FGF14: variants seen among roughly 807,000 people sequenced by gnomAD.
FGF14 encodes the protein fibroblast growth factor 14.
Under a neutral mutation model 25.5 loss-of-function variants are expected in FGF14, and 5 were observed. That is an observed-to-expected ratio of 0.20 (90% confidence interval 0.10 to 0.41). The LOEUF is 0.41. FGF14 is among the 10% of genes least tolerant of loss of function. FGF14 has a pLI of 1.00. For missense variants in FGF14, 222 were observed against 320.1 expected, an observed-to-expected ratio of 0.69 and a Z score of 2.34; for synonymous variants, 138 against 118.3, an observed-to-expected ratio of 1.17 and a Z score of -1.08.
At chr13:102,250,041 C>A (rs2052092525) in intron 1 of FGF14, among the ~76,000 whole-genome samples, 1 of 152,104 alleles carries the variant, frequency 6.6e-6, no homozygotes, top group Non-Finnish European at 1.5e-5. Flanking sequence ...AAGAAGACCA[C>A]CCCCAGGGTA....
At chr13:102,018,960 A>T (rs542639748) in intron 1 of FGF14, among the ~76,000 whole-genome samples, 1 of 152,156 alleles carries the variant, frequency 6.6e-6, no homozygotes, top group African/African-American at 2.4e-5. Context: ...TGCATGCTCA[A>T]TCAAGGCTGA....
In FGF14 at chr13:101,722,378, A is replaced by C. The variant is rs2035053125; in HGVS notation, c.*453T>G. 4.2e-6 allele frequency: 1 copy of C among 235,344 alleles called. No homozygotes were observed. Among genetic ancestry groups the C allele is most frequent in the Non-Finnish European group, 8.4e-6 (1 of 118,684 alleles). 14.6% of individuals were successfully genotyped at this position (235,344 alleles called of 1,614,324 possible). On this transcript the variant is annotated 3_prime_UTR_variant, in exon 5 of 5. Coordinates refer to ENST00000376143, the MANE Select transcript of FGF14 (RefSeq NM_004115.4). ...AGCCCTGTAAAAATGGGAAGAAGAGAAATCCGTAATAGCACAGGTTTACAG... is the reference window on the plus strand; with the variant it reads ...AGCCCTGTAAAAATGGGAAGAAGAGCAATCCGTAATAGCACAGGTTTACAG...
At chr13:101,953,034 CTAAA>C (rs10649605) in intron 1 of FGF14, among the ~76,000 whole-genome samples, 3 of 151,082 alleles carry the variant, frequency 2.0e-5, no homozygotes, top group South Asian at 2.1e-4. Flanking sequence ...GACTCCATCT[CTAAA>C]TAAATAAATA....
intron 1 of FGF14, among the ~76,000 whole-genome samples, chr13:101,908,452 C>T (rs1361096965): frequency 6.6e-6 from 1 of 152,170 alleles, no homozygotes; most frequent in Non-Finnish European, 1.5e-5. Flanking sequence ...GTACCTACCA[C>T]ATGGGTTTGT....
intron 1 of FGF14, among the ~76,000 whole-genome samples, chr13:101,976,340 A>C (rs1264283186): frequency 3.3e-5 from 5 of 152,232 alleles, no homozygotes; most frequent in Non-Finnish European, 5.9e-5. Context: ...CAACTTAATA[A>C]GCATTGATGC....
intron 1 of FGF14, among the ~76,000 whole-genome samples, chr13:102,044,245 C>A (rs182877727): frequency 2.0e-5 from 3 of 152,280 alleles, no homozygotes; most frequent in East Asian, 1.9e-4. Flanking sequence ...TCCTGACTTA[C>A]ACAGGTACTC....
intron 3 of FGF14, among the ~76,000 whole-genome samples, chr13:101,792,249 C>A (rs895671000): frequency 6.6e-6 from 1 of 152,034 alleles, no homozygotes; most frequent in Non-Finnish European, 1.5e-5. Flanking sequence ...CAGATGAAAT[C>A]CTTAGATTTG....
intron 1 of FGF14, among the ~76,000 whole-genome samples, chr13:102,371,671 G>A (rs1343791166): frequency 6.6e-6 from 1 of 151,872 alleles, no homozygotes; most frequent in Non-Finnish European, 1.5e-5. Context: ...ACAATTCTTG[G>A]CACATAGAAG....
At chr13:101,879,191 C>G (rs980812804) in intron 1 of FGF14, among the ~76,000 whole-genome samples, 1 of 152,162 alleles carries the variant, frequency 6.6e-6, no homozygotes, top group Non-Finnish European at 1.5e-5. Context: ...CTTTGCCTGT[C>G]TTAATTCCCC....
chr13:101,943,592 T>C lies in FGF14; in HGVS notation c.209-68296A>G, dbSNP rs75371206. Among the ~76,000 whole-genome samples, 11 of 152,236 alleles carry C rather than the reference T, an allele frequency of 7.2e-5. No individual in the cohort carries two copies. The East Asian group carries it at 2.1e-3, about 29-fold the overall frequency. On this transcript the variant is annotated intron_variant, in intron 1 of 4. Coordinates refer to the FGF14 transcript ENST00000376131. The stretch of plus-strand genomic sequence containing the variant: ...AAAGCTGCTGTAGAATAAGAGAAGC[T>C]GGGTTTGAACCCCGACTCTGCCACT...
intron 1 of FGF14, among the ~76,000 whole-genome samples, chr13:102,226,692 C>G (rs1234441806): frequency 6.6e-6 from 1 of 152,076 alleles, no homozygotes; most frequent in Non-Finnish European, 1.5e-5. Context: ...TACCTGATCT[C>G]TTTAGGGAAC....
At chr13:101,796,426 C>A (rs2040526461) in intron 3 of FGF14, among the ~76,000 whole-genome samples, 1 of 151,946 alleles carries the variant, frequency 6.6e-6, no homozygotes, top group Non-Finnish European at 1.5e-5. Context: ...ACTGGGGGGT[C>A]CTTATGCCCC....
intron 1 of FGF14, among the ~76,000 whole-genome samples, chr13:102,015,469 CA>C (rs1205876383): frequency 6.6e-6 from 1 of 152,036 alleles, no homozygotes; most frequent in African/African-American, 2.4e-5. Context: ...TGTATACTAT[CA>C]ATTATACATT....
At chr13:102,318,110 C>A (rs1049822703) in intron 1 of FGF14, among the ~76,000 whole-genome samples, 1 of 152,158 alleles carries the variant, frequency 6.6e-6, no homozygotes, top group African/African-American at 2.4e-5. Flanking sequence ...GAGTTGGAGG[C>A]CCCAGCCACC....
At chr13:102,326,695 GA>G (rs749959751) in intron 1 of FGF14, among the ~76,000 whole-genome samples, 50 of 37,826 alleles carry the variant, frequency 1.3e-3, no homozygotes, top group Non-Finnish European at 1.9e-3. Flanking sequence ...GAAGGGAAGG[GA>G]AGGAAGGAAG....
chr13:101,969,496 C>G (rs184381340), intron 1 of FGF14, among the ~76,000 whole-genome samples: 1 of 152,126 alleles, frequency 6.6e-6, no homozygotes, highest in Non-Finnish European at 1.5e-5. Context: ...TTTCCTGATG[C>G]CTTCTAAACA....
rs2035412609 is a variant in FGF14 at position 101,726,171 on chromosome 13, T to C, written c.607+441A>G. Among the ~76,000 whole-genome samples, 3 of 152,086 alleles carry C rather than the reference T, an allele frequency of 2.0e-5. No homozygotes were observed. The South Asian group carries it at 6.2e-4, about 31-fold the overall frequency. On this transcript the variant is annotated intron_variant, in intron 4 of 4. Coordinates refer to ENST00000376143, the MANE Select transcript of FGF14 (RefSeq NM_004115.4). ...TAATAATCCACAAGTAGGTAATTAC[T>C]TTCACCTAGATAATATCAAAATGGA... is the stretch of plus-strand genomic sequence containing the variant.
intron 1 of FGF14, among the ~76,000 whole-genome samples, chr13:102,103,125 A>G (rs979063810): frequency 3.3e-5 from 5 of 152,214 alleles, no homozygotes; most frequent in Admixed American, 2.6e-4. Context: ...GAAAAACAAG[A>G]GGTGAGGACA....
chr13:102,345,103 A>T lies in FGF14; in HGVS notation c.208+56368T>A, dbSNP rs115216662. Among the ~76,000 whole-genome samples the T allele has an allele frequency of 3.4e-3, 516 of 152,304 alleles. 1 individual carries two copies. Among genetic ancestry groups the T allele is most frequent in the African/African-American group, 0.012 (484 of 41,566 alleles). ...ATTCCAGCACTAACTTGCTATAAACATCTGGGGAAAATCACTTAGGTTTTC... is the reference window on the plus strand; with the variant it reads ...ATTCCAGCACTAACTTGCTATAAACTTCTGGGGAAAATCACTTAGGTTTTC... On this transcript the variant is annotated intron_variant, in intron 1 of 4. Coordinates refer to the FGF14 transcript ENST00000376131.
Sources: allele counts gnomAD v4.1 joint callset (sites outside exome capture counted in the v4.1 genomes callset), GRCh38; gene constraint gnomAD v4.1.1; transcripts MANE v1.5; gene names NCBI Gene and HGNC (gene_info 2026-07-23, HGNC 2026-07-21).